The following RPL26L1 variants were observed in gnomAD, a reference collection of about 807,000 sequenced individuals.
RPL26L1 encodes ribosomal protein uL24-like.
A neutral mutation model predicts 15.2 loss-of-function variants in RPL26L1; 8 were observed. That is an observed-to-expected ratio of 0.53 (90% confidence interval 0.31 to 0.95). The LOEUF (loss-of-function observed/expected upper bound fraction) is 0.95, where lower values mean the gene tolerates loss of function less well. RPL26L1 is among the 40% of genes least tolerant of loss of function. The pLI is 0.05. For synonymous variants in RPL26L1, 51 were observed against 65.9 expected, an observed-to-expected ratio of 0.77 and a Z score of 1.09; for missense variants, 146 against 190.9, an observed-to-expected ratio of 0.76 and a Z score of 1.39.
upstream of RPL26L1, chr5:172,958,792 A>G (rs991095957): frequency 6.4e-5 from 12 of 186,406 alleles, no homozygotes; most frequent in African/African-American, 3.0e-4. Flanking sequence ...AAGGGCCAAG[A>G]GGGCCACAGG....
upstream of RPL26L1, chr5:172,958,596 G>C (rs1755077356): frequency 1.1e-5 from 4 of 355,666 alleles, no homozygotes; most frequent in South Asian, 7.9e-5. Flanking sequence ...CACGGAGGGG[G>C]CGTGGTTGAT....
At chr5:172,961,987 A>G (rs1707590191) in intron 2 of RPL26L1, among the ~76,000 whole-genome samples, 1 of 152,160 alleles carries the variant, frequency 6.6e-6, no homozygotes, top group Admixed American at 6.5e-5. Flanking sequence ...CATCTCCAGT[A>G]AGTGCCATTT....
upstream of RPL26L1, chr5:172,957,459 T>G (rs990327440): frequency 2.9e-6 from 1 of 350,326 alleles, no homozygotes; most frequent in South Asian, 2.1e-5. Context: ...TTGGGAGCAC[T>G]CCTCCCCAGA....
chr5:172,969,339 A>AG, intron 3 of RPL26L1, 74 bp from the exon 4 acceptor site: 1 of 1,488,610 alleles, frequency 6.7e-7, no homozygotes, highest in Non-Finnish European at 9.2e-7. Flanking sequence ...GGTCTTACTT[A>AG]ACTTATGATG....
chr5:172,956,873 G>A (rs913153207), upstream of RPL26L1: 2 of 198,064 alleles, frequency 1.0e-5, no homozygotes, highest in South Asian at 7.1e-5. Context: ...GGGAGGTGGA[G>A]GTTGCAGTGA....
chr5:172,967,723 G>A (rs1755508732), intron 2 of RPL26L1, among the ~76,000 whole-genome samples: 1 of 151,282 alleles, frequency 6.6e-6, no homozygotes, highest in African/African-American at 2.4e-5. Flanking sequence ...TTATCCCACT[G>A]TGTCATGCTA....
At chr5:172,955,630 AC>A (rs1354060828), upstream of RPL26L1, 1 of 152,382 alleles carries the variant, frequency 6.6e-6, no homozygotes, top group African/African-American at 2.4e-5. Flanking sequence ...CTCACTGGAG[AC>A]CCTTTTTTCT....
chr5:172,954,963 C>T, upstream of RPL26L1: 1 of 435,588 alleles, frequency 2.3e-6, no homozygotes. Flanking sequence ...AAATGGCTTC[C>T]CTGGGAAGTT....
At chr5:172,958,776 G>T (rs550803419), upstream of RPL26L1, 2 of 218,942 alleles carry the variant, frequency 9.1e-6, no homozygotes, top group East Asian at 2.1e-4. Flanking sequence ...GGCCAGGCAC[G>T]GGCAGAAGGG....
intron 2 of RPL26L1, among the ~76,000 whole-genome samples, chr5:172,967,884 G>A (rs1006763550): frequency 2.6e-5 from 4 of 151,266 alleles, no homozygotes; most frequent in African/African-American, 9.7e-5. Flanking sequence ...TATGATACGT[G>A]TATGTATATA....
At chr5:172,959,255 C>A (rs923416747), upstream of RPL26L1, 4 of 400,014 alleles carry the variant, frequency 1.0e-5, no homozygotes, top group African/African-American at 4.4e-5. Flanking sequence ...TAAGCCTCTA[C>A]CGCAGGCCCT....
Position 172,963,373 on chromosome 5 carries a change from C to CAA in RPL26L1, c.168+3348_168+3349dup, listed in dbSNP as rs56687905. 4.3e-3 allele frequency among the ~76,000 whole-genome samples: 599 copies of CAA among 140,250 alleles called. 4 individuals carry two copies. The highest frequency in any genetic ancestry group is 0.022 in the Middle Eastern group (6 of 274). The allele number at this position is 140,250 out of a possible 152,430, so 92.0% of individuals were successfully genotyped here. On this transcript the variant is annotated intron_variant, in intron 2 of 3. Transcript: ENST00000265100. The stretch of plus-strand genomic sequence containing the variant: ...TGGGCAACAGAGTAAAACTCGGTCT[C>CAA]AAAAAAAAAAAAAAAAATCTAAAAT...
At chr5:172,963,164 G>A (rs867618133) in intron 2 of RPL26L1, among the ~76,000 whole-genome samples, 6 of 152,018 alleles carry the variant, frequency 3.9e-5, no homozygotes, top group Non-Finnish European at 4.4e-5. Flanking sequence ...GATCACCTGA[G>A]GTCAGGAGTT....
intron 2 of RPL26L1, among the ~76,000 whole-genome samples, chr5:172,963,635 G>A (rs76907376): frequency 0.012 from 1,798 of 152,252 alleles, 25 homozygotes; most frequent in South Asian, 0.055. Context: ...CCTCAGAGAA[G>A]CCTTCCCAGA....
At chr5:172,968,021 G>A (rs1166193535) in intron 2 of RPL26L1, among the ~76,000 whole-genome samples, 1 of 151,930 alleles carries the variant, frequency 6.6e-6, no homozygotes, top group Non-Finnish European at 1.5e-5. Context: ...TCAACGTGAT[G>A]GTCAAAGGAA....
intron 2 of RPL26L1, among the ~76,000 whole-genome samples, chr5:172,964,849 G>A (rs760276550): frequency 2.0e-5 from 3 of 152,164 alleles, no homozygotes; most frequent in African/African-American, 4.8e-5. Context: ...TTTACCTGTA[G>A]TTCCACCCCT....
upstream of RPL26L1, chr5:172,959,302 C>G (rs541856577): frequency 1.1e-6 from 1 of 947,632 alleles, no homozygotes; most frequent in East Asian, 1.1e-4. Context: ...GCATCGCCCT[C>G]CCGGGGCCGC....
upstream of RPL26L1, chr5:172,957,373 G>A (rs962038131): frequency 1.9e-5 from 8 of 416,722 alleles, no homozygotes; most frequent in Non-Finnish European, 3.8e-5. Flanking sequence ...CTTGATCATG[G>A]ATACTCCTTG....
In RPL26L1 at chr5:172,966,313, A is replaced by ATTTTTTTTTTTTT. The variant is rs386405707; in HGVS notation, c.169-2129_169-2117dup. ...CGCATGCCACCATGTCTGGCTAACT[A>ATTTTTTTTTTTTT]TTTTTTTTTTTTTTTTTTTTTTTTT... On this transcript the variant is annotated intron_variant, in intron 2 of 3. Transcript: ENST00000265100. Among the ~76,000 whole-genome samples the ATTTTTTTTTTTTT allele has an allele frequency of 1.1e-4, 7 of 63,664 alleles. 1 individual carries two copies. Among genetic ancestry groups the ATTTTTTTTTTTTT allele is most frequent in the Admixed American group, 2.8e-4 (1 of 3,584 alleles). The allele number at this position is 63,664 out of a possible 152,430, so 41.8% of individuals were successfully genotyped here.
Sources: gnomAD v4.1 joint callset for allele counts (sites outside exome capture counted in the v4.1 genomes callset) on GRCh38, gnomAD v4.1.1 for gene constraint, MANE v1.5 for transcripts, NCBI Gene and HGNC (gene_info 2026-07-23, HGNC 2026-07-21) for gene names.